Variants in EPB41L2 observed in about 807,000 individuals in gnomAD.
EPB41L2 encodes the protein erythrocyte membrane protein band 4.1 like 2, also known as band 4.1-like protein 2.
EPB41L2 carries 43 observed loss-of-function variants against 113.0 expected under a neutral mutation model. The ratio of observed to expected loss-of-function variants is 0.38; its 90% CI spans 0.30 to 0.49. The LOEUF (loss-of-function observed/expected upper bound fraction) is 0.49. EPB41L2 is among the 20% of genes least tolerant of loss of function. The pLI is 0.95. For synonymous variants in EPB41L2, 442 were observed against 436.7 expected, an observed-to-expected ratio of 1.01 and a Z score of -0.15; for missense variants, 1,147 against 1,223.4, an observed-to-expected ratio of 0.94 and a Z score of 0.93.
At chr6:130,868,734 C>A (rs10457562) in intron 15 of EPB41L2, 17,180 of 152,172 alleles carry the variant, frequency 0.11, 1,224 homozygotes, top group South Asian at 0.19. Flanking sequence ...AGGAAATAAA[C>A]CCTCCCTCAG....
chr6:130,987,421 G>A (rs1176554026), intron 1 of EPB41L2, among the ~76,000 whole-genome samples: 2 of 152,166 alleles, frequency 1.3e-5, no homozygotes, highest in African/African-American at 2.4e-5. Flanking sequence ...GGTCAAGCGT[G>A]GTGGCTCATG....
chr6:130,983,450 GC>G (rs1779828367), intron 1 of EPB41L2, among the ~76,000 whole-genome samples: 1 of 151,828 alleles, frequency 6.6e-6, no homozygotes, highest in South Asian at 2.1e-4. Context: ...AGGCTAGATG[GC>G]ATAGTCTATT....
At chr6:130,841,740 G>A (rs982788462) in intron 19 of EPB41L2, among the ~76,000 whole-genome samples, 1 of 152,194 alleles carries the variant, frequency 6.6e-6, no homozygotes, top group African/African-American at 2.4e-5. Context: ...AAAAAGGAGA[G>A]AATGAAGGCT....
intron 1 of EPB41L2, among the ~76,000 whole-genome samples, chr6:131,000,156 T>TTTA (rs368918603): frequency 6.8e-6 from 1 of 147,948 alleles, no homozygotes; most frequent in African/African-American, 2.5e-5. Flanking sequence ...AGTGGCTTTT[T>TTTA]AAAAAAAAAA....
At chr6:130,955,041 C>A in intron 3 of EPB41L2, 64 bp downstream of exon 3, 1 of 1,435,606 alleles carries the variant, frequency 7.0e-7, no homozygotes, top group Non-Finnish European at 9.7e-7. Context: ...ACACAAAAAT[C>A]TATTCATCAT....
At chr6:130,857,549 C>CTTTTTTTT (rs10557309) in intron 19 of EPB41L2, among the ~76,000 whole-genome samples, 1 of 72,818 alleles carries the variant, frequency 1.4e-5, no homozygotes, top group Non-Finnish European at 2.4e-5. Context: ...TCAGATGTAT[C>CTTTTTTTT]TTTTTTTTTT....
At chr6:131,009,996 C>T (rs1015879956) in intron 1 of EPB41L2, among the ~76,000 whole-genome samples, 3 of 152,196 alleles carry the variant, frequency 2.0e-5, no homozygotes, top group Non-Finnish European at 2.9e-5. Context: ...GTGACATGGC[C>T]ACAAGTGATA....
chr6:130,860,596 G>A (rs1184596099), intron 18 of EPB41L2, among the ~76,000 whole-genome samples: 4 of 151,650 alleles, frequency 2.6e-5, no homozygotes, highest in African/African-American at 9.7e-5. Flanking sequence ...GCAGTGGCGC[G>A]ATCTCGGCTC....
At chr6:131,043,632 A>T (rs192072794) in intron 1 of EPB41L2, among the ~76,000 whole-genome samples, 1 of 152,220 alleles carries the variant, frequency 6.6e-6, no homozygotes, top group Non-Finnish European at 1.5e-5. Context: ...AGATTTGAAG[A>T]GACCTATCAC....
intron 3 of EPB41L2, among the ~76,000 whole-genome samples, chr6:130,954,036 CTTTCTT>C (rs1583874766): frequency 7.0e-4 from 32 of 45,512 alleles, no homozygotes; most frequent in African/African-American, 1.6e-3. Context: ...TAGTCCTTTT[CTTTCTT>C]TTTTTTTTTT....
chr6:130,860,063 C>G (rs1215144562), intron 18 of EPB41L2, among the ~76,000 whole-genome samples: 1 of 152,130 alleles, frequency 6.6e-6, no homozygotes, highest in Non-Finnish European at 1.5e-5. Flanking sequence ...AGAGGAGGCA[C>G]AGGGGTGCAG....
At chr6:130,985,130 G>A (rs891353319) in intron 1 of EPB41L2, among the ~76,000 whole-genome samples, 12 of 152,304 alleles carry the variant, frequency 7.9e-5, no homozygotes, top group South Asian at 2.1e-4. Context: ...TGAATGAAAC[G>A]CACAACCCAG....
intron 1 of EPB41L2, among the ~76,000 whole-genome samples, chr6:131,024,322 G>C (rs1424866538): frequency 6.6e-6 from 1 of 152,144 alleles, no homozygotes; most frequent in Admixed American, 6.5e-5. Flanking sequence ...TCGTGTGTTG[G>C]GTTTATGGTT....
At chr6:130,968,920 A>G (rs540859686) in intron 1 of EPB41L2, among the ~76,000 whole-genome samples, 1 of 152,280 alleles carries the variant, frequency 6.6e-6, no homozygotes, top group East Asian at 1.9e-4. Context: ...GTGATTTGGT[A>G]GAGAATCATG....
intron 1 of EPB41L2, among the ~76,000 whole-genome samples, chr6:130,988,315 C>T (rs1251067486): frequency 2.0e-5 from 3 of 152,250 alleles, no homozygotes; most frequent in African/African-American, 7.2e-5. Flanking sequence ...AACTTTCAGG[C>T]ATACTGAGTT....
chr6:130,888,252 T>G (rs1193705513), intron 11 of EPB41L2, among the ~76,000 whole-genome samples: 2 of 152,182 alleles, frequency 1.3e-5, no homozygotes, highest in Admixed American at 6.5e-5. Flanking sequence ...TCACTGGCTG[T>G]CTGGTCATGT....
intron 3 of EPB41L2, among the ~76,000 whole-genome samples, chr6:130,928,978 CA>C (rs1456471469): frequency 6.6e-6 from 1 of 152,174 alleles, no homozygotes; most frequent in African/African-American, 2.4e-5. Context: ...TAACAAACAC[CA>C]AAATGTTTCT....
At chr6:130,974,234 TTC>T (rs1468922233) in intron 1 of EPB41L2, among the ~76,000 whole-genome samples, 2 of 152,160 alleles carry the variant, frequency 1.3e-5, no homozygotes, top group South Asian at 2.1e-4. Context: ...CAGTCTCTCA[TTC>T]TCTCTCTACC....
At chr6:130,873,526 C>T (rs575896816) in intron 14 of EPB41L2, among the ~76,000 whole-genome samples, 25 of 151,494 alleles carry the variant, frequency 1.7e-4, no homozygotes, top group African/African-American at 5.3e-4. Flanking sequence ...TGCAGTGTGC[C>T]GCGATCTCGG....
Sources: gnomAD v4.1 joint callset for allele counts (sites outside exome capture counted in the v4.1 genomes callset) on GRCh38, gnomAD v4.1.1 for gene constraint, MANE v1.5 for transcripts, NCBI Gene and HGNC (gene_info 2026-07-23, HGNC 2026-07-21) for gene names.